Variants in CHST9 observed in about 807,000 individuals in gnomAD.
CHST9 encodes GalNAc-4-sulfotransferase 2.
In CHST9, 41 loss-of-function variants were observed where a neutral mutation model predicts 44.4. The ratio of observed to expected loss-of-function variants is 0.92; its 90% CI spans 0.72 to 1.20. The LOEUF (loss-of-function observed/expected upper bound fraction) is 1.20, where lower values mean the gene tolerates loss of function less well. CHST9 is among the 50% of genes most tolerant of loss of function. The pLI, the probability that CHST9 is intolerant of heterozygous loss-of-function variation, is 0.00. For missense variants in CHST9, 504 were observed against 516.5 expected, an observed-to-expected ratio of 0.98 and a Z score of 0.23; for synonymous variants, 171 against 178.4, an observed-to-expected ratio of 0.96 and a Z score of 0.33.
chr18:26,925,347 G>T (rs547681555), intron 5 of CHST9, among the ~76,000 whole-genome samples: 105 of 152,290 alleles, frequency 6.9e-4, no homozygotes, highest in African/African-American at 2.4e-3. Context: ...GCATCAAACA[G>T]AAGAGTAGAT....
chr18:27,099,591 G>C (rs2058151190), intron 2 of CHST9, among the ~76,000 whole-genome samples: 1 of 151,934 alleles, frequency 6.6e-6, no homozygotes, highest in Non-Finnish European at 1.5e-5. Flanking sequence ...CATACAAGTG[G>C]CCAAGAAACA....
chr18:26,967,509 A>T (rs1302248533), intron 4 of CHST9, among the ~76,000 whole-genome samples: 1 of 152,218 alleles, frequency 6.6e-6, no homozygotes, highest in East Asian at 1.9e-4. Flanking sequence ...ACTGAATAGA[A>T]GTCCTATAAT....
intron 5 of CHST9, among the ~76,000 whole-genome samples, chr18:26,931,821 C>T (rs1385491191): frequency 6.6e-6 from 1 of 152,210 alleles, no homozygotes; most frequent in Non-Finnish European, 1.5e-5. Flanking sequence ...CACTCTGGCT[C>T]TGACAGGTGG....
chr18:27,153,969 T>C (rs1468371369), intron 1 of CHST9, among the ~76,000 whole-genome samples: 1 of 152,148 alleles, frequency 6.6e-6, no homozygotes, highest in Non-Finnish European at 1.5e-5. Context: ...GAAGCCAGTC[T>C]GAAAAATAAG....
rs1223024900 is a variant in CHST9 at position 26,967,623 on chromosome 18, A to G, written c.203-23257T>C. On this transcript the variant is annotated intron_variant, in intron 4 of 5. Coordinates refer to ENST00000618847, the MANE Select transcript of CHST9 (RefSeq NM_031422.6). ...TTGTGTACTCATGCAAGTATATTCT[A>G]TCGGTTAAATTCTTAGAAGTGGAAT... Among the ~76,000 whole-genome samples the G allele has an allele frequency of 2.0e-5, 3 of 152,200 alleles. No individual in the cohort carries two copies. The East Asian group carries it at 5.8e-4, about 29-fold the overall frequency.
chr18:26,985,785 G>A (rs981784361), intron 4 of CHST9, among the ~76,000 whole-genome samples: 8 of 152,168 alleles, frequency 5.3e-5, no homozygotes, highest in Admixed American at 4.6e-4. Context: ...ACTTACACAA[G>A]GGTGGGAACA....
chr18:26,985,552 T>C (rs2056744754), intron 4 of CHST9, among the ~76,000 whole-genome samples: 1 of 152,102 alleles, frequency 6.6e-6, no homozygotes, highest in Non-Finnish European at 1.5e-5. Flanking sequence ...AGAAGACTCT[T>C]TGAGTTTAAG....
chr18:26,963,279 G>T (rs2056423449), intron 4 of CHST9, among the ~76,000 whole-genome samples: 1 of 152,070 alleles, frequency 6.6e-6, no homozygotes, highest in Non-Finnish European at 1.5e-5. Flanking sequence ...TCACTCCTCT[G>T]CCATTTCCTG....
intron 4 of CHST9, among the ~76,000 whole-genome samples, chr18:26,972,573 A>C (rs567807236): frequency 6.6e-5 from 10 of 152,082 alleles, no homozygotes; most frequent in African/African-American, 2.4e-4. Flanking sequence ...GGACCGACAG[A>C]GTTTGGGGCA....
Position 27,087,728 on chromosome 18 carries a change from A to G in CHST9, c.122-39225T>C, listed in dbSNP as rs2058026583. Among the ~76,000 whole-genome samples, 3 of 152,232 alleles carry G rather than the reference A, an allele frequency of 2.0e-5. No homozygotes were observed. The South Asian group carries it at 6.2e-4, about 32-fold the overall frequency. On this transcript the variant is annotated intron_variant, in intron 2 of 5. Transcript: ENST00000618847. ...TAAGTATCTAATAACCTTATTAGCT[A>G]ACAATAGCTAACCAGATGACCTTAT...
At chr18:27,049,531 A>G (rs1433302154) in intron 2 of CHST9, among the ~76,000 whole-genome samples, 2 of 152,134 alleles carry the variant, frequency 1.3e-5, no homozygotes, top group Non-Finnish European at 2.9e-5. Flanking sequence ...CTAAGAAAAG[A>G]GATATAGCCA....
intron 2 of CHST9, among the ~76,000 whole-genome samples, chr18:27,053,236 A>AGAAGAAGAAGAAGAAGAAGAG (rs2057601137): frequency 1.2e-5 from 1 of 80,734 alleles, no homozygotes; most frequent in East Asian, 3.8e-4. Flanking sequence ...AAGAAGAAGA[A>AGAAGAAGAAGAAGAAGAAGAG]GAAGAAGAAG....
At chr18:26,940,366 G>C (rs1598577740) in intron 5 of CHST9, among the ~76,000 whole-genome samples, 1 of 152,198 alleles carries the variant, frequency 6.6e-6, no homozygotes, top group Non-Finnish European at 1.5e-5. Flanking sequence ...TTGGGGTTAG[G>C]ATTGGAGATG....
At chr18:27,109,938 C>G (rs763169540) in intron 2 of CHST9, among the ~76,000 whole-genome samples, 2 of 151,964 alleles carry the variant, frequency 1.3e-5, no homozygotes, top group African/African-American at 2.4e-5. Context: ...GGGAAGCTCT[C>G]GGATGAGCAC....
chr18:26,937,673 C>T (rs1041684035), intron 5 of CHST9, among the ~76,000 whole-genome samples: 3 of 152,158 alleles, frequency 2.0e-5, no homozygotes, highest in South Asian at 4.1e-4. Context: ...TGATTTTAGA[C>T]GAACTAATTC....
At position 26,955,986 on chromosome 18, in the gene CHST9, T is replaced by A. The variant is rs2056316967; in HGVS notation, c.203-11620A>T. Among the ~76,000 whole-genome samples the A allele has an allele frequency of 3.3e-5, 5 of 151,962 alleles. No homozygotes were observed. In the South Asian group the frequency reaches 1.0e-3, roughly 32 times the overall value. On this transcript the variant is annotated intron_variant, in intron 4 of 5. Coordinates refer to ENST00000618847, the MANE Select transcript of CHST9 (RefSeq NM_031422.6). The stretch of plus-strand genomic sequence containing the variant: ...TACCTCTTCCCTTGAGCTAGTAAAA[T>A]TCCAATAAATTAAAATATATAATTA...
At chr18:27,137,195 A>T (rs979477398) in intron 2 of CHST9, among the ~76,000 whole-genome samples, 10 of 151,520 alleles carry the variant, frequency 6.6e-5, no homozygotes, top group African/African-American at 2.4e-4. Context: ...ATTGATTTAT[A>T]CATATAATGA....
intron 1 of CHST9, among the ~76,000 whole-genome samples, chr18:27,165,994 A>C (rs1184441648): frequency 6.6e-6 from 1 of 152,182 alleles, no homozygotes; most frequent in East Asian, 1.9e-4. Context: ...TTTTACCTGC[A>C]GACTATTTTG....
At chr18:27,060,151 T>A (rs1265423802) in intron 2 of CHST9, among the ~76,000 whole-genome samples, 1 of 152,128 alleles carries the variant, frequency 6.6e-6, no homozygotes, top group East Asian at 1.9e-4. Context: ...GAAAGATAGG[T>A]ACTTAATGTC....
Sources: gnomAD v4.1 joint callset for allele counts (sites outside exome capture counted in the v4.1 genomes callset) on GRCh38, gnomAD v4.1.1 for gene constraint, MANE v1.5 for transcripts, NCBI Gene and HGNC (gene_info 2026-07-23, HGNC 2026-07-21) for gene names.